Variants in F13A1 observed in about 807,000 individuals in gnomAD.
F13A1 encodes coagulation factor XIII A chain.
F13A1 carries 47 observed loss-of-function variants against 80.1 expected under a neutral mutation model. The observed-to-expected ratio is 0.59, with a 90% confidence interval of 0.46 to 0.75. The LOEUF (loss-of-function observed/expected upper bound fraction) is 0.75. F13A1 is among the 30% of genes least tolerant of loss of function. F13A1 has a pLI of 0.00. For synonymous variants in F13A1, 349 were observed against 344.9 expected, an observed-to-expected ratio of 1.01 and a Z score of -0.13; for missense variants, 817 against 930.4, an observed-to-expected ratio of 0.88 and a Z score of 1.59.
chr6:6,296,817 C>G (rs1449811979), intron 3 of F13A1, among the ~76,000 whole-genome samples: 1 of 147,382 alleles, frequency 6.8e-6, no homozygotes, highest in South Asian at 2.1e-4. Context: ...GCATCCCTGT[C>G]TTGTGCCAGT....
At chr6:6,208,962 A>C (rs1039249469) in intron 8 of F13A1, among the ~76,000 whole-genome samples, 2 of 152,168 alleles carry the variant, frequency 1.3e-5, no homozygotes, top group Non-Finnish European at 1.5e-5. Context: ...CAAATGTATA[A>C]GCATCCAAAG....
intron 3 of F13A1, among the ~76,000 whole-genome samples, chr6:6,291,865 C>T (rs993216100): frequency 6.6e-6 from 1 of 152,196 alleles, no homozygotes; most frequent in Non-Finnish European, 1.5e-5. Flanking sequence ...CAACCCAAAC[C>T]TCCTCCCGAA....
intron 4 of F13A1, among the ~76,000 whole-genome samples, chr6:6,253,739 A>G (rs1296802629): frequency 6.6e-6 from 1 of 152,252 alleles, no homozygotes; most frequent in East Asian, 1.9e-4. Flanking sequence ...TAAAACTGAC[A>G]TTAGCACAGT....
At chr6:6,164,586 G>A (rs866298330) in intron 13 of F13A1, among the ~76,000 whole-genome samples, 1 of 151,942 alleles carries the variant, frequency 6.6e-6, no homozygotes, top group Non-Finnish European at 1.5e-5. Flanking sequence ...CCTCTCCCTA[G>A]GCCTCCTTTG....
At chr6:6,247,170 T>A (rs960627152) in intron 6 of F13A1, among the ~76,000 whole-genome samples, 3 of 152,218 alleles carry the variant, frequency 2.0e-5, no homozygotes, top group Non-Finnish European at 4.4e-5. Flanking sequence ...TGTAGCTTAG[T>A]TATTAATAAA....
intron 10 of F13A1, among the ~76,000 whole-genome samples, chr6:6,184,804 C>T (rs527253746): frequency 1.3e-5 from 2 of 152,170 alleles, no homozygotes; most frequent in Non-Finnish European, 2.9e-5. Context: ...GACAGACCAA[C>T]AGCACTGTCC....
chr6:6,182,753 G>A (rs758053068), intron 10 of F13A1, among the ~76,000 whole-genome samples: 2 of 152,120 alleles, frequency 1.3e-5, no homozygotes, highest in Admixed American at 6.5e-5. Flanking sequence ...TGGGGATTTG[G>A]GGGCCTTAAT....
At chr6:6,238,473 G>A (rs1359704727) in intron 6 of F13A1, among the ~76,000 whole-genome samples, 2 of 151,854 alleles carry the variant, frequency 1.3e-5, no homozygotes, top group African/African-American at 4.8e-5. Context: ...GTCTTCATGT[G>A]GAAAGAACAT....
At chr6:6,260,892 T>C (rs1757770858) in intron 4 of F13A1, among the ~76,000 whole-genome samples, 2 of 152,178 alleles carry the variant, frequency 1.3e-5, no homozygotes, top group Admixed American at 6.5e-5. Flanking sequence ...GGAGAGAGAC[T>C]GGAATTAGGT....
intron 4 of F13A1, among the ~76,000 whole-genome samples, chr6:6,253,163 AGAGAG>A (rs1362321075): frequency 2.3e-5 from 2 of 85,428 alleles, no homozygotes; most frequent in African/African-American, 6.2e-5. Flanking sequence ...AAAAAAAAAA[AGAGAG>A]AGAGAGAGAG....
rs1030560839 is a variant in F13A1, at chr6:6,151,908, T to C, written c.1950A>G (p.Thr650=). 27 of 1,614,112 alleles carry C rather than the reference T, an allele frequency of 1.7e-5. No individual in the cohort carries two copies. The highest frequency in any genetic ancestry group is 1.9e-5 in the Non-Finnish European group (23 of 1,179,988). Residue 650 remains threonine (T), a synonymous_variant, in exon 14 of 15, where the codon ACA becomes ACG. Coordinates refer to ENST00000264870, the MANE Select transcript of F13A1 (RefSeq NM_000129.4). Reference sequence around the variant, plus strand: ...CTTTTAAAGGATTGGTAAACTCAACTGTCACAGTCATGTCAGAACCAACTA... The same window carrying C: ...CTTTTAAAGGATTGGTAAACTCAACCGTCACAGTCATGTCAGAACCAACTA... ...TQVVGSDMTV[T]VEFTNPLKET... is the part of the protein sequence containing the mutation.
At chr6:6,154,652 C>G (rs560964654) in intron 13 of F13A1, among the ~76,000 whole-genome samples, 1 of 152,342 alleles carries the variant, frequency 6.6e-6, no homozygotes, top group Non-Finnish European at 1.5e-5. Context: ...TTTTCACTTT[C>G]TTCCCAGAGG....
intron 10 of F13A1, among the ~76,000 whole-genome samples, chr6:6,186,434 C>T (rs965358025): frequency 5.9e-5 from 9 of 152,090 alleles, no homozygotes; most frequent in African/African-American, 9.7e-5. Flanking sequence ...TTCAGCTTTC[C>T]ACCTATGGCT....
intron 8 of F13A1, among the ~76,000 whole-genome samples, chr6:6,218,078 A>G (rs1757130692): frequency 6.6e-6 from 1 of 152,144 alleles, no homozygotes; most frequent in South Asian, 2.1e-4. Context: ...GGAGGACACC[A>G]ACCCTCACCC....
intron 6 of F13A1, among the ~76,000 whole-genome samples, chr6:6,236,843 G>A (rs1194994909): frequency 2.6e-5 from 4 of 152,118 alleles, no homozygotes; most frequent in Admixed American, 6.6e-5. Flanking sequence ...AAGGCCTAGC[G>A]TTAAGTTTGG....
At chr6:6,168,999 G>A (rs150930418) in intron 12 of F13A1, among the ~76,000 whole-genome samples, 5 of 152,214 alleles carry the variant, frequency 3.3e-5, no homozygotes, top group African/African-American at 7.2e-5. Context: ...ATGCGTAAGT[G>A]CTGTGCCTTG....
intron 5 of F13A1, among the ~76,000 whole-genome samples, chr6:6,249,192 C>A (rs1336596177): frequency 6.6e-6 from 1 of 152,162 alleles, no homozygotes; most frequent in African/African-American, 2.4e-5. Context: ...TGCTATCCAC[C>A]CAAGTGCTTG....
chr6:6,165,188 A>G (rs1436220486), intron 13 of F13A1, among the ~76,000 whole-genome samples: 1 of 152,180 alleles, frequency 6.6e-6, no homozygotes, highest in Non-Finnish European at 1.5e-5. Context: ...AGTTTCCTCC[A>G]GGAACAGCAT....
At chr6:6,146,200 C>T (rs2151066770) in intron 14 of F13A1, among the ~76,000 whole-genome samples, 1 of 152,334 alleles carries the variant, frequency 6.6e-6, no homozygotes, top group South Asian at 2.1e-4. Flanking sequence ...CCCCAGCTGC[C>T]TTTGCTGAGG....
Sources: gnomAD v4.1 joint callset for allele counts (sites outside exome capture counted in the v4.1 genomes callset) on GRCh38, gnomAD v4.1.1 for gene constraint, MANE v1.5 for transcripts, NCBI Gene and HGNC (gene_info 2026-07-23, HGNC 2026-07-21) for gene names.